Variants in RBMS1 observed in about 807,000 individuals in gnomAD.
RBMS1 encodes RNA-binding motif, single-stranded-interacting protein 1.
RBMS1 carries 17 observed loss-of-function variants against 62.3 expected under a neutral mutation model. The observed-to-expected ratio is 0.27, with a 90% confidence interval of 0.19 to 0.41. The LOEUF (loss-of-function observed/expected upper bound fraction) is 0.41, where lower values mean the gene tolerates loss of function less well. Among genes scored for constraint, RBMS1 ranks in the 10% least tolerant of loss-of-function variants. The pLI is 1.00. For missense variants in RBMS1, 334 were observed against 504.5 expected (o/e 0.66, Z 3.24); for synonymous variants, 172 against 170.0 (o/e 1.01, Z -0.09).
chr2:160,442,095 C>A (rs1683432508), intron 1 of RBMS1, among the ~76,000 whole-genome samples: 1 of 152,082 alleles, frequency 6.6e-6, no homozygotes, highest in African/African-American at 2.4e-5. Context: ...AAGTTGGAAC[C>A]TGTCTATTCA....
At position 160,309,130 on chromosome 2, in the gene RBMS1, G is replaced by A. The variant is rs143716787; in HGVS notation, c.402+4026C>T. On this transcript the variant is annotated intron_variant, in intron 4 of 13. Transcript: ENST00000348849. The stretch of plus-strand genomic sequence containing the variant: ...AGACAGCCTGAAAGGCGCTGGCTGA[G>A]AACTGGTTTGGGACACTTAACTGAC... 4.9e-3 allele frequency among the ~76,000 whole-genome samples: 741 copies of A among 152,332 alleles called. 10 individuals are homozygous for A. The highest frequency in any genetic ancestry group is 0.017 in the African/African-American group (714 of 41,576).
At chr2:160,479,025 G>A (rs1685254958) in intron 1 of RBMS1, among the ~76,000 whole-genome samples, 1 of 152,170 alleles carries the variant, frequency 6.6e-6, no homozygotes, top group Non-Finnish European at 1.5e-5. Flanking sequence ...AGAGAGAGGT[G>A]GTGTTTAATC....
chr2:160,448,040 T>C (rs1030879856), intron 1 of RBMS1, among the ~76,000 whole-genome samples: 7 of 152,208 alleles, frequency 4.6e-5, no homozygotes, highest in African/African-American at 9.6e-5. Context: ...TTAATTTTCA[T>C]GCCAAAAGTA....
chr2:160,300,299 G>A (rs116625159), intron 6 of RBMS1, among the ~76,000 whole-genome samples: 2 of 152,110 alleles, frequency 1.3e-5, no homozygotes, highest in African/African-American at 4.8e-5. Context: ...CTGAGGTCTA[G>A]GCACTGCTGG....
At chr2:160,484,002 CTTTTTTTTT>C (rs5835810) in intron 1 of RBMS1, among the ~76,000 whole-genome samples, 1 of 131,680 alleles carries the variant, frequency 7.6e-6, no homozygotes, top group South Asian at 2.6e-4. Flanking sequence ...GGATAAAATT[CTTTTTTTTT>C]TTTTTTTTTA....
At chr2:160,311,283 C>G (rs1689899810) in intron 4 of RBMS1, among the ~76,000 whole-genome samples, 1 of 132,482 alleles carries the variant, frequency 7.5e-6, no homozygotes, top group African/African-American at 2.7e-5. Context: ...ACTTCTTACT[C>G]TGGAGTTTAA....
At chr2:160,340,431 C>G (rs190019745) in intron 2 of RBMS1, among the ~76,000 whole-genome samples, 26 of 152,128 alleles carry the variant, frequency 1.7e-4, no homozygotes, top group Non-Finnish European at 2.9e-4. Context: ...GCTTTCGGTT[C>G]TCCAAGGTGT....
chr2:160,408,560 C>T (rs13009192), intron 1 of RBMS1: 106,705 of 152,160 alleles, frequency 0.7, 37,770 homozygotes, highest in East Asian at 0.92. Context: ...TTTAAGGCCA[C>T]CGGTTTGGTA....
At chr2:160,462,429 A>G (rs1195290602) in intron 1 of RBMS1, among the ~76,000 whole-genome samples, 1 of 152,178 alleles carries the variant, frequency 6.6e-6, no homozygotes, top group East Asian at 1.9e-4. Flanking sequence ...AAAGAAGAAA[A>G]GGTGCTATTT....
intron 1 of RBMS1, among the ~76,000 whole-genome samples, chr2:160,448,591 C>T (rs1386295764): frequency 1.3e-5 from 2 of 152,260 alleles, no homozygotes; most frequent in African/African-American, 2.4e-5. Flanking sequence ...CTCGCTCACT[C>T]AGTGCTCGAT....
At chr2:160,477,854 C>T (rs895405500) in intron 1 of RBMS1, among the ~76,000 whole-genome samples, 2 of 152,120 alleles carry the variant, frequency 1.3e-5, no homozygotes, top group Non-Finnish European at 2.9e-5. Context: ...TTCATCATGC[C>T]CATCTTTCAC....
intron 1 of RBMS1, chr2:160,408,024 G>T: frequency 1.4e-6 from 1 of 690,952 alleles, no homozygotes; most frequent in Non-Finnish European, 1.8e-6. Context: ...CGCCCGCCCG[G>T]CCCCCGCGCT....
At chr2:160,445,240 A>C (rs1050067081) in intron 1 of RBMS1, among the ~76,000 whole-genome samples, 30 of 152,354 alleles carry the variant, frequency 2.0e-4, no homozygotes, top group Non-Finnish European at 4.0e-4. Flanking sequence ...ACATCAATAC[A>C]TGCAGGTTAA....
intron 1 of RBMS1, among the ~76,000 whole-genome samples, chr2:160,462,427 A>C (rs1392975478): frequency 6.6e-6 from 1 of 152,192 alleles, no homozygotes; most frequent in African/African-American, 2.4e-5. Context: ...AGAAAGAAGA[A>C]AAGGTGCTAT....
intron 2 of RBMS1, among the ~76,000 whole-genome samples, chr2:160,327,361 T>C (rs1690996183): frequency 6.6e-6 from 1 of 152,192 alleles, no homozygotes; most frequent in African/African-American, 2.4e-5. Flanking sequence ...CTGTTTACTG[T>C]ATGTATAACT....
intron 1 of RBMS1, among the ~76,000 whole-genome samples, chr2:160,386,987 A>G (rs951970228): frequency 1.3e-5 from 2 of 152,148 alleles, no homozygotes; most frequent in Non-Finnish European, 2.9e-5. Context: ...TATTTTGTGT[A>G]CATCACCACT....
At chr2:160,349,089 A>C (rs902680935) in intron 2 of RBMS1, among the ~76,000 whole-genome samples, 1 of 152,052 alleles carries the variant, frequency 6.6e-6, no homozygotes, top group Admixed American at 6.6e-5. Context: ...TTGCATGCCC[A>C]CTCTGATGAG....
At chr2:160,420,516 T>C (rs1401527388) in intron 1 of RBMS1, among the ~76,000 whole-genome samples, 5 of 152,196 alleles carry the variant, frequency 3.3e-5, no homozygotes, top group Non-Finnish European at 5.9e-5. Context: ...CTATTGAAGA[T>C]ACAATGATGG....
At chr2:160,457,706 C>T (rs1341770889) in intron 1 of RBMS1, among the ~76,000 whole-genome samples, 1 of 152,092 alleles carries the variant, frequency 6.6e-6, no homozygotes, top group African/African-American at 2.4e-5. Context: ...AGAGCACAGA[C>T]CAGAGATTGC....
Sources: allele counts gnomAD v4.1 joint callset (sites outside exome capture counted in the v4.1 genomes callset), GRCh38; gene constraint gnomAD v4.1.1; transcripts MANE v1.5; gene names NCBI Gene and HGNC (gene_info 2026-07-23, HGNC 2026-07-21).